Variants in OSBP2 observed in about 807,000 individuals in gnomAD.
The protein encoded by OSBP2 is oxysterol-binding protein 2.
Under a neutral mutation model 96.0 loss-of-function variants are expected in OSBP2, and 66 were observed. That is an observed-to-expected ratio of 0.69 (90% CI 0.56 to 0.84). The LOEUF is 0.84. OSBP2 is among the 40% of genes least tolerant of loss of function. The pLI is 0.00. For missense variants in OSBP2, 1,038 were observed against 1,222.7 expected (o/e 0.85, Z 2.25); for synonymous variants, 525 against 520.9 (o/e 1.01, Z -0.11).
chr22:30,891,939 G>T (rs1870500789), intron 8 of OSBP2, among the ~76,000 whole-genome samples: 1 of 152,196 alleles, frequency 6.6e-6, no homozygotes, highest in South Asian at 2.1e-4. Flanking sequence ...TTTAGAAAGG[G>T]GGTGGTCAGG....
intron 2 of OSBP2, among the ~76,000 whole-genome samples, chr22:30,742,112 G>A (rs567329264): frequency 6.6e-6 from 1 of 150,694 alleles, no homozygotes; most frequent in Non-Finnish European, 1.5e-5. Flanking sequence ...GAGCCACCGC[G>A]CCCGGCCAAT....
rs2039433235 is a variant in OSBP2 at position 30,870,404 on chromosome 22, G to GT, written c.854-24dup. 6.2e-7 allele frequency: 1 copy of GT among 1,612,084 alleles called. No homozygotes were observed. The highest frequency in any genetic ancestry group is 1.1e-5 in the South Asian group (1 of 91,030). ...GGTACCACGTCTGTTCGTAATGACC[G>GT]TAACAACTCTATTTTCTTCCACAGA... On this transcript the variant is annotated intron_variant, in intron 2 of 13. Coordinates refer to ENST00000332585, the MANE Select transcript of OSBP2 (RefSeq NM_030758.4). The surrounding 1 kb of genome is among the most constrained non-coding windows in gnomAD (Gnocchi z 4.1).
chr22:30,809,333 A>G (rs2090975572), intron 2 of OSBP2, among the ~76,000 whole-genome samples: 1 of 152,188 alleles, frequency 6.6e-6, no homozygotes. Flanking sequence ...CTTATGAGTC[A>G]GTGTGGTGAG....
intron 2 of OSBP2, among the ~76,000 whole-genome samples, chr22:30,858,134 TGTTTGTTTG>T (rs2039119107): frequency 1.3e-4 from 13 of 100,244 alleles, no homozygotes; most frequent in East Asian, 7.3e-4. Flanking sequence ...TTTTTTTGTT[TGTTTGTTTG>T]TTTGTTTGTT....
chr22:30,770,712 C>T (rs1391500476), intron 2 of OSBP2: 1 of 152,526 alleles, frequency 6.6e-6, no homozygotes. Flanking sequence ...TCTGACACCC[C>T]CATTTCTGGT....
chr22:30,797,503 C>T (rs367630208), intron 2 of OSBP2, among the ~76,000 whole-genome samples: 1 of 152,162 alleles, frequency 6.6e-6, no homozygotes, highest in Admixed American at 6.5e-5. Context: ...AGGCTGGTCT[C>T]AAACTCCTGA....
intron 2 of OSBP2, among the ~76,000 whole-genome samples, chr22:30,773,404 T>C (rs934749631): frequency 2.6e-5 from 4 of 152,174 alleles, no homozygotes; most frequent in Non-Finnish European, 5.9e-5. Context: ...GCTTCCCACG[T>C]AGTGGAAAGA....
intron 2 of OSBP2, among the ~76,000 whole-genome samples, chr22:30,866,401 AC>A (rs2039339255): frequency 6.6e-6 from 1 of 152,188 alleles, no homozygotes; most frequent in South Asian, 2.1e-4. Context: ...CCCTGCTAAC[AC>A]CTGGATTTCA....
At chr22:30,869,459 G>A (rs369529051) in intron 2 of OSBP2, among the ~76,000 whole-genome samples, 2 of 152,242 alleles carry the variant, frequency 1.3e-5, no homozygotes, top group African/African-American at 2.4e-5. Context: ...ATCGGTGAAG[G>A]GGAGCCTCAA....
chr22:30,741,888 C>T (rs546981683), intron 2 of OSBP2, among the ~76,000 whole-genome samples: 7 of 150,386 alleles, frequency 4.7e-5, no homozygotes, highest in East Asian at 3.9e-4. Flanking sequence ...GGCATGATCT[C>T]GGCTCACTGC....
intron 2 of OSBP2, among the ~76,000 whole-genome samples, chr22:30,744,291 A>G (rs1433785036): frequency 6.6e-6 from 1 of 152,136 alleles, no homozygotes; most frequent in African/African-American, 2.4e-5. Context: ...GCAGCCTTGA[A>G]TGAGAGAAGA....
At chr22:30,895,203 C>T (rs532025770) in intron 12 of OSBP2, among the ~76,000 whole-genome samples, 3 of 151,782 alleles carry the variant, frequency 2.0e-5, no homozygotes, top group East Asian at 3.9e-4. Context: ...ATGTTTATTG[C>T]GATTCCTAGG....
At position 30,719,763 on chromosome 22, in the gene OSBP2, A is replaced by AG. The variant is rs1555907701; in HGVS notation, c.645-21397dup. The stretch of plus-strand genomic sequence containing the variant: ...AGTGAGACTCTGTCTCAAAAAAAAA[A>AG]GAAAAAAAAAAAAAGTCACTGAGCC... On this transcript the variant is annotated intron_variant, in intron 1 of 13. Coordinates refer to ENST00000332585, the MANE Select transcript of OSBP2 (RefSeq NM_030758.4). Among the ~76,000 whole-genome samples the AG allele has an allele frequency of 2.0e-5, 3 of 151,312 alleles. No individual in the cohort carries two copies. In the East Asian group the frequency reaches 5.8e-4, roughly 29 times the overall value.
chr22:30,728,454 C>T (rs2076785523), intron 1 of OSBP2, among the ~76,000 whole-genome samples: 1 of 150,648 alleles, frequency 6.6e-6, no homozygotes. Flanking sequence ...TGTTTTTGCT[C>T]AACATTATAC....
chr22:30,772,878 C>T (rs1457243609), intron 2 of OSBP2, among the ~76,000 whole-genome samples: 3 of 151,580 alleles, frequency 2.0e-5, no homozygotes, highest in Middle Eastern at 3.4e-3. Flanking sequence ...CTGTAACCTC[C>T]GTCTCCTGGG....
chr22:30,817,297 A>T (rs987234483), intron 2 of OSBP2, among the ~76,000 whole-genome samples: 3 of 152,214 alleles, frequency 2.0e-5, no homozygotes, highest in African/African-American at 7.2e-5. Context: ...GGAAAACCTG[A>T]TTCTCCAGAC....
intron 12 of OSBP2, 123 bp from the exon 13 acceptor site, chr22:30,905,714 G>A: frequency 7.1e-7 from 1 of 1,416,674 alleles, no homozygotes; most frequent in East Asian, 2.5e-5. Context: ...GGGAGTCCTG[G>A]ACGCGGGGAG....
At chr22:30,720,482 C>G (rs2145702743) in intron 1 of OSBP2, among the ~76,000 whole-genome samples, 1 of 152,294 alleles carries the variant, frequency 6.6e-6, no homozygotes, top group Non-Finnish European at 1.5e-5. Flanking sequence ...AACATGACAG[C>G]TGGCTTTTCT....
At position 30,880,170 on chromosome 22, in the gene OSBP2, A is replaced by G. The variant is rs182584192; in HGVS notation, c.1108-7256A>G. Among the ~76,000 whole-genome samples the G allele has an allele frequency of 1.5e-3, 221 of 152,304 alleles. 2 individuals carry two copies. The highest frequency in any genetic ancestry group is 0.014 in the Admixed American group (220 of 15,306). ...TTCAGGGAGACCCTGACTCTCTGCG[A>G]TCTCACCGCTCATCACCTTCAGAAC... On this transcript the variant is annotated intron_variant, in intron 3 of 13. Transcript: ENST00000332585.
Sources: allele counts gnomAD v4.1 joint callset (sites outside exome capture counted in the v4.1 genomes callset), GRCh38; gene constraint gnomAD v4.1.1; non-coding constraint Gnocchi (gnomAD v3.1); transcripts MANE v1.5; gene names NCBI Gene and HGNC (gene_info 2026-07-23, HGNC 2026-07-21).